CNTN6: variants seen among roughly 807,000 people sequenced by gnomAD.
The protein encoded by CNTN6 is contactin-6.
In CNTN6, 137 loss-of-function variants were observed where a neutral mutation model predicts 122.8. The ratio of observed to expected loss-of-function variants is 1.12; its 90% CI spans 0.97 to 1.29. CNTN6 has a LOEUF of 1.29. Among genes scored for constraint, CNTN6 ranks in the 50% most tolerant of loss-of-function variants. The pLI is 0.00. For missense variants in CNTN6, 1,634 were observed against 1,223.4 expected (o/e 1.34, Z -5.01); for synonymous variants, 570 against 426.0 (o/e 1.34, Z -4.16).
At chr3:1,324,735 T>C (rs1044097591) in intron 8 of CNTN6, among the ~76,000 whole-genome samples, 1 of 149,648 alleles carries the variant, frequency 6.7e-6, no homozygotes, top group African/African-American at 2.5e-5. Flanking sequence ...TACCTTTTTT[T>C]CCTGATGCTT....
chr3:1,136,024 TAG>T (rs2092463752), intron 1 of CNTN6, among the ~76,000 whole-genome samples: 1 of 152,148 alleles, frequency 6.6e-6, no homozygotes, highest in Non-Finnish European at 1.5e-5. Flanking sequence ...CGTGTGTGGT[TAG>T]AGAGTCACTG....
At chr3:1,381,178 C>T (rs922546375) in intron 17 of CNTN6, among the ~76,000 whole-genome samples, 9 of 152,108 alleles carry the variant, frequency 5.9e-5, no homozygotes, top group African/African-American at 1.9e-4. Context: ...GTGATTAAAT[C>T]CGAGATGAAA....
rs1017052909 is a variant in CNTN6 at position 1,268,324 on chromosome 3, T to C, written c.359-10089T>C. On this transcript the variant is annotated intron_variant, in intron 4 of 22. Transcript: ENST00000446702. ...ACATTCTCTGGCATAAAATAGAGAG[T>C]GGGCTGGGCGCGGTGGCTCACGCTT... Among the ~76,000 whole-genome samples the C allele has an allele frequency of 2.6e-5, 4 of 152,146 alleles. No individual in the cohort carries two copies. The East Asian group carries it at 7.8e-4, about 30-fold the overall frequency.
At chr3:1,158,037 G>A (rs1017572355) in intron 2 of CNTN6, among the ~76,000 whole-genome samples, 1 of 152,112 alleles carries the variant, frequency 6.6e-6, no homozygotes, top group Admixed American at 6.6e-5. Context: ...GGATCATATG[G>A]GGGCCCTAGT....
chr3:1,354,171 G>A (rs1706151957), intron 12 of CNTN6, among the ~76,000 whole-genome samples: 1 of 151,550 alleles, frequency 6.6e-6, no homozygotes, highest in Middle Eastern at 3.4e-3. Flanking sequence ...GGAAGCCACT[G>A]GACTGCATTC....
At chr3:1,337,860 C>A (rs1279268992) in intron 11 of CNTN6, among the ~76,000 whole-genome samples, 2 of 152,102 alleles carry the variant, frequency 1.3e-5, no homozygotes, top group African/African-American at 4.8e-5. Flanking sequence ...GTGTGTGCCC[C>A]TGTCAGTCTT....
chr3:1,200,108 A>G (rs957195350), intron 2 of CNTN6, among the ~76,000 whole-genome samples: 2 of 152,116 alleles, frequency 1.3e-5, no homozygotes, highest in African/African-American at 4.8e-5. Flanking sequence ...TGAGGCTGTC[A>G]CTGCAATGTT....
chr3:1,212,476 CAT>C (rs1175562460), intron 2 of CNTN6, among the ~76,000 whole-genome samples: 252 of 148,746 alleles, frequency 1.7e-3, no homozygotes, highest in African/African-American at 5.5e-3. Flanking sequence ...TATACACATA[CAT>C]GTGTGTGTAT....
intron 1 of CNTN6, among the ~76,000 whole-genome samples, chr3:1,096,112 G>T (rs1365917294): frequency 1.3e-5 from 2 of 151,924 alleles, no homozygotes; most frequent in African/African-American, 4.8e-5. Context: ...TTTTTCTTTT[G>T]GAAATGTGTA....
chr3:1,291,219 GT>G (rs990116337), intron 5 of CNTN6, among the ~76,000 whole-genome samples: 3 of 152,064 alleles, frequency 2.0e-5, no homozygotes, highest in Admixed American at 6.6e-5. Flanking sequence ...GATGAAATAA[GT>G]TTTTTTCTGA....
At chr3:1,199,029 C>A (rs533940562) in intron 2 of CNTN6, among the ~76,000 whole-genome samples, 2 of 152,058 alleles carry the variant, frequency 1.3e-5, no homozygotes, top group Admixed American at 1.3e-4. Flanking sequence ...TCAAACAATG[C>A]CAAGGATTGC....
intron 12 of CNTN6, among the ~76,000 whole-genome samples, chr3:1,363,268 A>G (rs1307346047): frequency 4.6e-5 from 7 of 151,890 alleles, no homozygotes; most frequent in Non-Finnish European, 1.0e-4. Flanking sequence ...AAACTCTTGG[A>G]AAGTTCTCAG....
chr3:1,177,212 T>C (rs766809229), intron 2 of CNTN6, among the ~76,000 whole-genome samples: 1 of 152,168 alleles, frequency 6.6e-6, no homozygotes, highest in Non-Finnish European at 1.5e-5. Context: ...GTAAACACAA[T>C]GTTGGTTTGA....
At chr3:1,352,919 G>T (rs1705891395) in intron 12 of CNTN6, among the ~76,000 whole-genome samples, 2 of 151,638 alleles carry the variant, frequency 1.3e-5, no homozygotes, top group South Asian at 4.2e-4. Context: ...CCTTTAGTAA[G>T]CAGTTCTTTT....
chr3:1,211,657 C>G (rs2094039878), intron 2 of CNTN6, among the ~76,000 whole-genome samples: 1 of 152,112 alleles, frequency 6.6e-6, no homozygotes, highest in Non-Finnish European at 1.5e-5. Flanking sequence ...CACCCTCTCT[C>G]TCTATCATCT....
At chr3:1,393,555 TAAA>T (rs572632140) in intron 20 of CNTN6, among the ~76,000 whole-genome samples, 63 of 107,896 alleles carry the variant, frequency 5.8e-4, no homozygotes, top group African/African-American at 1.7e-3. Context: ...CTTAAAGAAG[TAAA>T]AAAAAAAAAA....
intron 20 of CNTN6, among the ~76,000 whole-genome samples, chr3:1,395,189 A>G (rs1405827139): frequency 6.6e-6 from 1 of 152,166 alleles, no homozygotes; most frequent in African/African-American, 2.4e-5. Context: ...CTCTCATTTT[A>G]TTACTTTGAC....
At chr3:1,202,866 C>T (rs575453679) in intron 2 of CNTN6, among the ~76,000 whole-genome samples, 47 of 152,210 alleles carry the variant, frequency 3.1e-4, no homozygotes, top group African/African-American at 1.1e-3. Flanking sequence ...TATCTTTTTA[C>T]TGAGAGGAAG....
At chr3:1,315,077 T>C (rs1008648091) in intron 7 of CNTN6, among the ~76,000 whole-genome samples, 2 of 152,040 alleles carry the variant, frequency 1.3e-5, no homozygotes, top group Non-Finnish European at 2.9e-5. Context: ...CTGATATCTG[T>C]AGTTAAAATG....
Sources: gnomAD v4.1 joint callset for allele counts (sites outside exome capture counted in the v4.1 genomes callset) on GRCh38, gnomAD v4.1.1 for gene constraint, MANE v1.5 for transcripts, NCBI Gene and HGNC (gene_info 2026-07-23, HGNC 2026-07-21) for gene names.